Variants in AKAP6 observed in about 807,000 individuals in gnomAD.
AKAP6 encodes A-kinase anchoring protein 6.
AKAP6 carries 58 observed loss-of-function variants against 188.5 expected under a neutral mutation model. That is an observed-to-expected ratio of 0.31 (90% CI 0.25 to 0.38). AKAP6 has a LOEUF of 0.38. Ranked by LOEUF, AKAP6 falls within the 10% of genes least tolerant of loss-of-function variation. The pLI is 1.00. For synonymous variants in AKAP6, 989 were observed against 998.6 expected (o/e 0.99, Z 0.18); for missense variants, 2,710 against 2,740.0 (o/e 0.99, Z 0.24).
chr14:32,690,763 C>T (rs2139680056), intron 8 of AKAP6, among the ~76,000 whole-genome samples: 1 of 152,188 alleles, frequency 6.6e-6, no homozygotes, highest in East Asian at 1.9e-4. Context: ...CTAAGAAAAA[C>T]TGACTTCAAG....
At chr14:32,646,819 C>T (rs1305428405) in intron 7 of AKAP6, among the ~76,000 whole-genome samples, 1 of 151,824 alleles carries the variant, frequency 6.6e-6, no homozygotes, top group Non-Finnish European at 1.5e-5. Context: ...GGCAATGGTG[C>T]ATGAAAAAAG....
Position 32,823,641 on chromosome 14 carries a change from A to G in AKAP6, c.5828A>G (p.Asp1943Gly). The G allele has an allele frequency of 2.5e-6, 4 of 1,613,886 alleles. No individual in the cohort carries two copies. Among genetic ancestry groups the G allele is most frequent in the Non-Finnish European group, 3.4e-6 (4 of 1,179,910 alleles). Reference protein sequence around the residue: ...CKCKALMDSLDDSNTAGKEFV... With the variant: ...CKCKALMDSLGDSNTAGKEFV... ...TGTAAAGCACTTATGGATAGTTTAG[A>G]TGATTCAAATACTGCTGGCAAGGAA... is the stretch of plus-strand genomic sequence containing the variant. The change falls in exon 13 of 14, where the codon GAT becomes GGT. Residue 1943 changes from aspartate (D) to glycine (G), a missense_variant. Asp to Gly is a moderately conservative substitution (Grantham distance 94). This residue lies in a region of AKAP6 where 2,473 missense variants were observed against 2,426.1 expected (regional missense o/e 1.02). Coordinates refer to ENST00000280979, the MANE Select transcript of AKAP6 (RefSeq NM_004274.5).
chr14:32,424,758 G>A (rs1296827006), intron 1 of AKAP6, among the ~76,000 whole-genome samples: 3 of 152,010 alleles, frequency 2.0e-5, no homozygotes, highest in Non-Finnish European at 4.4e-5. Context: ...GCAGTATTTG[G>A]TTTTCTGTTC....
intron 1 of AKAP6, among the ~76,000 whole-genome samples, chr14:32,417,246 C>A (rs2138652505): frequency 6.6e-6 from 1 of 152,224 alleles, no homozygotes; most frequent in Non-Finnish European, 1.5e-5. Flanking sequence ...CTTGTAGTAA[C>A]CTTGCCTGAA....
chr14:32,565,700 A>G (rs1316834812), intron 4 of AKAP6, among the ~76,000 whole-genome samples: 1 of 152,238 alleles, frequency 6.6e-6, no homozygotes, highest in Non-Finnish European at 1.5e-5. Context: ...GATAAAGTAC[A>G]AACTACAGAG....
intron 8 of AKAP6, among the ~76,000 whole-genome samples, chr14:32,688,216 A>T (rs886761429): frequency 2.0e-5 from 3 of 151,794 alleles, no homozygotes; most frequent in Non-Finnish European, 4.4e-5. Flanking sequence ...TGTTTTGGGG[A>T]GTTGATGGGA....
intron 2 of AKAP6, among the ~76,000 whole-genome samples, chr14:32,472,134 C>T (rs937263312): frequency 2.0e-5 from 3 of 152,078 alleles, no homozygotes; most frequent in Non-Finnish European, 4.4e-5. Context: ...AGTAAATCAA[C>T]CAGAGAGAGG....
chr14:32,665,896 A>G (rs1374458946), intron 7 of AKAP6, among the ~76,000 whole-genome samples: 1 of 152,170 alleles, frequency 6.6e-6, no homozygotes, highest in Non-Finnish European at 1.5e-5. Context: ...TTCAGCAGCT[A>G]ACAAGAATGG....
At chr14:32,612,331 G>A (rs540144506) in intron 7 of AKAP6, among the ~76,000 whole-genome samples, 18 of 152,136 alleles carry the variant, frequency 1.2e-4, no homozygotes, top group African/African-American at 3.9e-4. Context: ...CACTTTACAC[G>A]TTATTTCAGC....
chr14:32,534,728 G>A (rs1296309899), intron 2 of AKAP6, among the ~76,000 whole-genome samples: 1 of 152,040 alleles, frequency 6.6e-6, no homozygotes, highest in Non-Finnish European at 1.5e-5. Flanking sequence ...CACTTTGGGA[G>A]GCTGAGGTGG....
intron 2 of AKAP6, among the ~76,000 whole-genome samples, chr14:32,502,691 C>T (rs1880664245): frequency 6.6e-6 from 1 of 151,998 alleles, no homozygotes; most frequent in South Asian, 2.1e-4. Flanking sequence ...TAGTTTTCCT[C>T]CTGTTTTATC....
chr14:32,668,678 G>C (rs1202958522), intron 7 of AKAP6, among the ~76,000 whole-genome samples: 3 of 151,970 alleles, frequency 2.0e-5, no homozygotes, highest in Admixed American at 1.3e-4. Context: ...GACTTTATTA[G>C]ACATGAGATT....
chr14:32,779,224 C>T (rs926771188), intron 12 of AKAP6, among the ~76,000 whole-genome samples: 3 of 151,150 alleles, frequency 2.0e-5, no homozygotes, highest in Non-Finnish European at 3.0e-5. Context: ...GGTGAAACCC[C>T]GTCACTACAA....
intron 2 of AKAP6, among the ~76,000 whole-genome samples, chr14:32,483,633 T>G (rs143795937): frequency 6.6e-5 from 10 of 152,054 alleles, no homozygotes; most frequent in Admixed American, 5.9e-4. Flanking sequence ...TACAGGCATA[T>G]GCCACCACTC....
chr14:32,614,585 A>G (rs1459378508), intron 7 of AKAP6, among the ~76,000 whole-genome samples: 2 of 152,250 alleles, frequency 1.3e-5, no homozygotes, highest in African/African-American at 4.8e-5. Flanking sequence ...CAGCAACAGC[A>G]GTATCAAATA....
chr14:32,508,595 A>G (rs1001755752), intron 2 of AKAP6, among the ~76,000 whole-genome samples: 1 of 152,214 alleles, frequency 6.6e-6, no homozygotes, highest in African/African-American at 2.4e-5. Flanking sequence ...CCAGATGTCT[A>G]GCTACAAAGG....
At chr14:32,758,350 G>T (rs773307365) in intron 11 of AKAP6, among the ~76,000 whole-genome samples, 1 of 152,182 alleles carries the variant, frequency 6.6e-6, no homozygotes, top group Non-Finnish European at 1.5e-5. Context: ...GTTTCTTGTG[G>T]GTTATCCTTG....
At chr14:32,377,796 A>G (rs531108894) in intron 1 of AKAP6, among the ~76,000 whole-genome samples, 75 of 152,320 alleles carry the variant, frequency 4.9e-4, no homozygotes, top group Non-Finnish European at 9.0e-4. Context: ...GAGTAATCAT[A>G]ATTATTATTT....
At chr14:32,606,936 GCT>G (rs1323214325) in intron 7 of AKAP6, among the ~76,000 whole-genome samples, 1 of 152,084 alleles carries the variant, frequency 6.6e-6, no homozygotes, top group African/African-American at 2.4e-5. Context: ...TGGGTATATT[GCT>G]TACAATATAC....
Sources: gnomAD v4.1 joint callset for allele counts (sites outside exome capture counted in the v4.1 genomes callset) on GRCh38, gnomAD v4.1.1 for gene constraint, gnomAD v4.1.1 regional missense constraint, MANE v1.5 for transcripts, NCBI Gene and HGNC (gene_info 2026-07-23, HGNC 2026-07-21) for gene names.